GLRA1: variants seen among roughly 807,000 people sequenced by gnomAD.
GLRA1 encodes the protein glycine receptor alpha 1, also known as glycine receptor subunit alpha-1.
GLRA1 carries 37 observed loss-of-function variants against 48.3 expected under a neutral mutation model. That is an observed-to-expected ratio of 0.77 (90% CI 0.59 to 1.01). GLRA1 has a LOEUF of 1.01. Among genes scored for constraint, GLRA1 ranks in the 50% least tolerant of loss-of-function variants. The pLI is 0.00. For synonymous variants in GLRA1, 196 were observed against 210.7 expected (o/e 0.93, Z 0.60); for missense variants, 427 against 571.0 (o/e 0.75, Z 2.57).
At chr5:151,883,866 A>G (rs1753828461) in intron 3 of GLRA1, among the ~76,000 whole-genome samples, 1 of 152,154 alleles carries the variant, frequency 6.6e-6, no homozygotes, top group Non-Finnish European at 1.5e-5. Context: ...ACTCTGCTAC[A>G]CCGTTTCTGT....
At chr5:151,829,135 A>G in intron 7 of GLRA1, 68 bp from the exon 8 acceptor site, 1 of 1,508,616 alleles carries the variant, frequency 6.6e-7, no homozygotes, top group Non-Finnish European at 9.2e-7. Flanking sequence ...AGCATGGCGG[A>G]ATATTTTCTG....
intron 4 of GLRA1, among the ~76,000 whole-genome samples, chr5:151,858,346 G>A (rs1753102357): frequency 6.6e-6 from 1 of 152,210 alleles, no homozygotes; most frequent in Admixed American, 6.5e-5. Flanking sequence ...CCAAAGTGGG[G>A]CAGCTGTCAC....
intron 2 of GLRA1, among the ~76,000 whole-genome samples, chr5:151,888,537 G>C (rs1753978062): frequency 6.6e-6 from 1 of 152,102 alleles, no homozygotes; most frequent in African/African-American, 2.4e-5. Flanking sequence ...AAGATTTTAG[G>C]GCTGGAAGGT....
chr5:151,907,012 G>A (rs1040046100), intron 1 of GLRA1, among the ~76,000 whole-genome samples: 1 of 152,194 alleles, frequency 6.6e-6, no homozygotes, highest in Non-Finnish European at 1.5e-5. Context: ...GTCACTGGAA[G>A]TATTCAAGGA....
chr5:151,862,005 G>C (rs903880998), intron 3 of GLRA1, among the ~76,000 whole-genome samples: 2 of 152,158 alleles, frequency 1.3e-5, no homozygotes, highest in Non-Finnish European at 2.9e-5. Flanking sequence ...AAAGCTGGAG[G>C]CATCACGCTA....
chr5:151,897,108 G>T (rs1187938518), intron 1 of GLRA1, among the ~76,000 whole-genome samples: 1 of 152,156 alleles, frequency 6.6e-6, no homozygotes, highest in African/African-American at 2.4e-5. Context: ...TAGGCCAAAA[G>T]TTCCCAACTC....
chr5:151,823,597 T>C (rs541701976), intron 8 of GLRA1, among the ~76,000 whole-genome samples: 2 of 152,328 alleles, frequency 1.3e-5, no homozygotes, highest in African/African-American at 4.8e-5. Flanking sequence ...AGCTTCTTCC[T>C]GCCTCTACGT....
At chr5:151,862,106 G>A (rs1363117346) in intron 3 of GLRA1, among the ~76,000 whole-genome samples, 2 of 152,130 alleles carry the variant, frequency 1.3e-5, no homozygotes, top group Non-Finnish European at 2.9e-5. Flanking sequence ...GAACAGAACA[G>A]AGCCCTCAGA....
chr5:151,847,220 G>A (rs1015721631), intron 7 of GLRA1, among the ~76,000 whole-genome samples: 4 of 152,236 alleles, frequency 2.6e-5, no homozygotes, highest in African/African-American at 9.6e-5. Flanking sequence ...ATTAATAATA[G>A]AGCAGAATAT....
intron 3 of GLRA1, among the ~76,000 whole-genome samples, chr5:151,863,912 T>C (rs1000623315): frequency 1.3e-5 from 2 of 152,172 alleles, no homozygotes; most frequent in Non-Finnish European, 2.9e-5. Flanking sequence ...GATTGTTCTA[T>C]AATTTAATTG....
intron 1 of GLRA1, among the ~76,000 whole-genome samples, chr5:151,913,139 T>C (rs1465387037): frequency 6.6e-6 from 1 of 152,218 alleles, no homozygotes; most frequent in Admixed American, 6.5e-5. Flanking sequence ...GGGATTGTGC[T>C]CTGATAGGAA....
At chr5:151,829,123 T>A (rs973895006) in intron 7 of GLRA1, 56 bp from the exon 8 acceptor site, 2 of 1,554,206 alleles carry the variant, frequency 1.3e-6, no homozygotes, top group East Asian at 2.2e-5. Context: ...TGTAAAACAT[T>A]AAGCATGGCG....
chr5:151,904,228 G>A (rs1054163160), intron 1 of GLRA1, among the ~76,000 whole-genome samples: 1 of 152,104 alleles, frequency 6.6e-6, no homozygotes, highest in African/African-American at 2.4e-5. Context: ...TTCTCTTCTT[G>A]GGATTTCTGT....
rs1754101255 is a variant in GLRA1 at position 151,892,389 on chromosome 5, T to C, written c.106A>G (p.Met36Val). 6.2e-7 allele frequency: 1 copy of C among 1,614,038 alleles called. No homozygotes were observed. Among genetic ancestry groups the C allele is most frequent in the Non-Finnish European group, 8.5e-7 (1 of 1,179,898 alleles). The stretch of plus-strand genomic sequence containing the variant: ...TTATCCAGGAAATCCGAGGGTGACA[T>C]AGGCTTGGGTGCGGAGCGAGCAGCT... ...AEAARSAPKP[M>V]SPSDFLDKLM... Residue 36 changes from methionine (M) to valine (V), a missense_variant, in exon 2 of 9, where the codon ATG (methionine) becomes GTG (valine). Coordinates refer to ENST00000274576, the MANE Select transcript of GLRA1 (RefSeq NM_000171.4).
intron 3 of GLRA1, among the ~76,000 whole-genome samples, chr5:151,871,736 A>G (rs1753491738): frequency 6.7e-6 from 1 of 148,374 alleles, no homozygotes; most frequent in Non-Finnish European, 1.5e-5. Flanking sequence ...AATTTTTTTT[A>G]TGTATTTTTA....
At chr5:151,873,230 C>T (rs1753531539) in intron 3 of GLRA1, among the ~76,000 whole-genome samples, 1 of 149,382 alleles carries the variant, frequency 6.7e-6, no homozygotes, top group Non-Finnish European at 1.5e-5. Flanking sequence ...ATTTTAGGGC[C>T]TAGAGAAGGT....
intron 2 of GLRA1, among the ~76,000 whole-genome samples, chr5:151,889,164 G>A (rs1753993185): frequency 6.6e-6 from 1 of 152,248 alleles, no homozygotes; most frequent in South Asian, 2.1e-4. Context: ...GATCCTATGG[G>A]AAGGTGCGGT....
At chr5:151,898,335 A>G (rs1401453436) in intron 1 of GLRA1, among the ~76,000 whole-genome samples, 1 of 152,046 alleles carries the variant, frequency 6.6e-6, no homozygotes, top group African/African-American at 2.4e-5. Flanking sequence ...CAAGGGGCCA[A>G]CCTGTTTCTC....
chr5:151,915,085 C>T (rs1754705649), intron 1 of GLRA1, among the ~76,000 whole-genome samples: 1 of 152,180 alleles, frequency 6.6e-6, no homozygotes, highest in African/African-American at 2.4e-5. Context: ...CTTTATGTAT[C>T]AGTCTTGTCT....
Sources: allele counts gnomAD v4.1 joint callset (sites outside exome capture counted in the v4.1 genomes callset), GRCh38; gene constraint gnomAD v4.1.1; transcripts MANE v1.5; gene names NCBI Gene and HGNC (gene_info 2026-07-23, HGNC 2026-07-21).